Variants in SCARB2 observed in about 807,000 individuals in gnomAD.
SCARB2 encodes scavenger receptor class B member 2.
A neutral mutation model predicts 58.6 loss-of-function variants in SCARB2; 29 were observed. The ratio of observed to expected loss-of-function variants is 0.49; its 90% CI spans 0.37 to 0.67. SCARB2 has a LOEUF of 0.67. Ranked by LOEUF, SCARB2 falls within the 30% of genes least tolerant of loss-of-function variation. SCARB2 has a pLI of 0.00. For missense variants in SCARB2, 488 were observed against 578.5 expected, an observed-to-expected ratio of 0.84 and a Z score of 1.60; for synonymous variants, 195 against 210.1, an observed-to-expected ratio of 0.93 and a Z score of 0.62.
At chr4:76,225,021 T>C (rs1446343991) in intron 1 of SCARB2, among the ~76,000 whole-genome samples, 1 of 152,154 alleles carries the variant, frequency 6.6e-6, no homozygotes, top group East Asian at 1.9e-4. Flanking sequence ...TAGCTCCCAC[T>C]TGTGAGAAGA....
chr4:76,217,111 T>C (rs1031415479), upstream of SCARB2, among the ~76,000 whole-genome samples: 14 of 152,332 alleles, frequency 9.2e-5, no homozygotes, highest in African/African-American at 2.9e-4. Context: ...GCACCGCTAA[T>C]TGGCATTGTT....
At chr4:76,229,686 T>TA (rs1733460492) in intron 1 of SCARB2, among the ~76,000 whole-genome samples, 1 of 152,180 alleles carries the variant, frequency 6.6e-6, no homozygotes, top group Non-Finnish European at 1.5e-5. Flanking sequence ...TGTGATGTGA[T>TA]CCATCTTCAG....
At position 76,232,518 on chromosome 4, in the gene SCARB2, C is replaced by T. The variant is rs540904981; in HGVS notation, c.-358+1785G>A. Among the ~76,000 whole-genome samples the T allele has an allele frequency of 3.3e-5, 5 of 152,232 alleles. No individual in the cohort carries two copies. In the East Asian group the frequency reaches 9.7e-4, roughly 29 times the overall value. On this transcript the variant is annotated intron_variant, in intron 1 of 11. Coordinates refer to the SCARB2 transcript ENST00000638295. ...AATTGACAAAGGAGTTTGGTTTTCT[C>T]TGTGGTTTACAATAAGTTAACATAA... is the stretch of plus-strand genomic sequence containing the variant.
At chr4:76,175,296 A>C (rs1311902992) in intron 6 of SCARB2, 2 of 167,744 alleles carry the variant, frequency 1.2e-5, no homozygotes, top group Non-Finnish European at 2.6e-5. Context: ...CTCTGCTGAA[A>C]TATGGACAAC....
At chr4:76,170,540 TTTTTGTTTTG>T (rs559779307) in intron 7 of SCARB2, among the ~76,000 whole-genome samples, 1 of 151,966 alleles carries the variant, frequency 6.6e-6, no homozygotes, top group Non-Finnish European at 1.5e-5. Context: ...TTTTGGTGGT[TTTTTGTTTTG>T]TTTTGTTTTG....
intron 1 of SCARB2, among the ~76,000 whole-genome samples, chr4:76,231,918 C>T (rs1227632198): frequency 6.6e-6 from 1 of 152,198 alleles, no homozygotes; most frequent in Non-Finnish European, 1.5e-5. Context: ...AGATTGACTC[C>T]TTAAAGGAAA....
At chr4:76,218,496 T>C (rs1486818288), upstream of SCARB2, among the ~76,000 whole-genome samples, 1 of 152,230 alleles carries the variant, frequency 6.6e-6, no homozygotes, top group Non-Finnish European at 1.5e-5. Flanking sequence ...TGTCCCTGTC[T>C]ACCGCCTCCT....
chr4:76,231,614 A>G (rs1329617230), intron 1 of SCARB2, among the ~76,000 whole-genome samples: 1 of 152,234 alleles, frequency 6.6e-6, no homozygotes, highest in Non-Finnish European at 1.5e-5. Context: ...TTATTTGCAT[A>G]AAGTACAGCA....
chr4:76,172,315 G>A (rs1732149535), intron 7 of SCARB2, among the ~76,000 whole-genome samples: 1 of 151,350 alleles, frequency 6.6e-6, no homozygotes, highest in Non-Finnish European at 1.5e-5. Flanking sequence ...TGCCCAGGCT[G>A]GAGTGCAGTG....
chr4:76,234,033 G>T (rs1733538527), intron 1 of SCARB2, among the ~76,000 whole-genome samples: 2 of 152,210 alleles, frequency 1.3e-5, no homozygotes, highest in East Asian at 3.8e-4. Flanking sequence ...ATTGCTGCGG[G>T]TCAGAGATGG....
At chr4:76,184,140 T>C (rs756614950) in intron 2 of SCARB2, among the ~76,000 whole-genome samples, 7 of 152,216 alleles carry the variant, frequency 4.6e-5, no homozygotes, top group Admixed American at 2.6e-4. Context: ...AAATACAGCA[T>C]GTAGTATTGC....
rs78782706 is a variant in SCARB2 at position 76,206,995 on chromosome 4, T to A, written c.117+6432A>T. 7.9e-3 allele frequency among the ~76,000 whole-genome samples: 1,200 copies of A among 152,198 alleles called. 14 individuals carry two copies. Among genetic ancestry groups the A allele is most frequent in the African/African-American group, 0.026 (1,062 of 41,530 alleles). ...CTTCCAAACTGGCCTTACAGGAATA[T>A]AAAACAGGGATATTATGTATTTTTA... is the stretch of plus-strand genomic sequence containing the variant. On this transcript the variant is annotated intron_variant, in intron 1 of 11. Transcript: ENST00000264896.
chr4:76,188,610 C>T (rs1732536115), intron 2 of SCARB2, among the ~76,000 whole-genome samples: 1 of 152,206 alleles, frequency 6.6e-6, no homozygotes, highest in Non-Finnish European at 1.5e-5. Flanking sequence ...CCCCAGGCCC[C>T]CTGGCATACA....
chr4:76,228,428 G>A (rs932515587), intron 1 of SCARB2, among the ~76,000 whole-genome samples: 3 of 151,404 alleles, frequency 2.0e-5, no homozygotes, highest in African/African-American at 7.3e-5. Context: ...ACAGCAAGCT[G>A]AGATTGTGCC....
At chr4:76,219,815 G>A (rs938994999) in intron 1 of SCARB2, among the ~76,000 whole-genome samples, 2 of 152,080 alleles carry the variant, frequency 1.3e-5, no homozygotes, top group African/African-American at 2.4e-5. Flanking sequence ...GTCCCCGCAT[G>A]ACTTCTAACC....
At chr4:76,184,799 A>T (rs59335499) in intron 2 of SCARB2, 69,219 of 363,790 alleles carry the variant, frequency 0.19, 7,954 homozygotes, top group African/African-American at 0.39. Context: ...AAAAAAAAAA[A>T]TTTTAATTTA....
chr4:76,198,628 C>G (rs1398686260), intron 1 of SCARB2, among the ~76,000 whole-genome samples: 1 of 152,216 alleles, frequency 6.6e-6, no homozygotes, highest in Non-Finnish European at 1.5e-5. Context: ...CCTCCACCCC[C>G]ACAGCCCTTC....
chr4:76,178,456 G>C (rs1018193874), intron 4 of SCARB2, among the ~76,000 whole-genome samples: 1 of 152,216 alleles, frequency 6.6e-6, no homozygotes, highest in African/African-American at 2.4e-5. Context: ...CTGAGAAACA[G>C]TGAGATATTA....
intron 9 of SCARB2, among the ~76,000 whole-genome samples, chr4:76,168,007 A>G (rs1393615545): frequency 5.3e-5 from 8 of 152,176 alleles, no homozygotes; most frequent in Non-Finnish European, 1.0e-4. Flanking sequence ...ACACAAGAAC[A>G]GTCTAATACA....
Sources: allele counts gnomAD v4.1 joint callset (sites outside exome capture counted in the v4.1 genomes callset), GRCh38; gene constraint gnomAD v4.1.1; transcripts MANE v1.5; gene names NCBI Gene and HGNC (gene_info 2026-07-23, HGNC 2026-07-21).